Variants in DLGAP2 observed in about 807,000 individuals in gnomAD.
The protein encoded by DLGAP2 is DLG associated protein 2, also known as disks large-associated protein 2.
In DLGAP2, 26 loss-of-function variants were observed where a neutral mutation model predicts 100.3. That is an observed-to-expected ratio of 0.26 (90% CI 0.19 to 0.36). The LOEUF is 0.36. Ranked by LOEUF, DLGAP2 falls within the 10% of genes least tolerant of loss-of-function variation. DLGAP2 has a pLI of 1.00. For synonymous variants in DLGAP2, 886 were observed against 630.1 expected (o/e 1.41, Z -6.08); for missense variants, 1,858 against 1,453.2 (o/e 1.28, Z -4.53).
At chr8:981,578 C>T (rs1800333070) in intron 2 of DLGAP2, among the ~76,000 whole-genome samples, 1 of 152,090 alleles carries the variant, frequency 6.6e-6, no homozygotes, top group Admixed American at 6.5e-5. Flanking sequence ...TGCATCCTCT[C>T]CGATATGGTA....
At chr8:1,641,648 T>A (rs1269294418) in intron 8 of DLGAP2, among the ~76,000 whole-genome samples, 2 of 152,144 alleles carry the variant, frequency 1.3e-5, no homozygotes, top group African/African-American at 4.8e-5. Flanking sequence ...TGTATGGGGA[T>A]GGAGTCAGAA....
intron 3 of DLGAP2, among the ~76,000 whole-genome samples, chr8:1,464,642 C>T (rs1422753870): frequency 6.6e-6 from 1 of 151,852 alleles, no homozygotes; most frequent in Non-Finnish European, 1.5e-5. Flanking sequence ...TGACTGAAGG[C>T]AGATAGAGGG....
chr8:1,452,687 G>A (rs1798195769), intron 3 of DLGAP2, among the ~76,000 whole-genome samples: 2 of 152,230 alleles, frequency 1.3e-5, no homozygotes, highest in African/African-American at 2.4e-5. Flanking sequence ...GGCTCTGTGC[G>A]GGTTCTGCGC....
intron 2 of DLGAP2, among the ~76,000 whole-genome samples, chr8:997,886 A>G (rs1800827761): frequency 1.3e-5 from 2 of 151,996 alleles, no homozygotes; most frequent in Admixed American, 6.6e-5. Context: ...ACACACATGC[A>G]TAAACACCCA....
chr8:1,190,554 T>C (rs962121988), intron 2 of DLGAP2, among the ~76,000 whole-genome samples: 2 of 152,068 alleles, frequency 1.3e-5, no homozygotes, highest in South Asian at 4.2e-4. Flanking sequence ...CGTCCTTGCT[T>C]CTCATCTCAC....
chr8:1,095,665 G>A (rs1383939426), intron 2 of DLGAP2, among the ~76,000 whole-genome samples: 2 of 152,218 alleles, frequency 1.3e-5, no homozygotes, highest in Non-Finnish European at 2.9e-5. Flanking sequence ...TAATTACTGT[G>A]TTATTGTCGG....
chr8:1,199,414 C>T (rs11986875), intron 2 of DLGAP2, among the ~76,000 whole-genome samples: 58,532 of 151,914 alleles, frequency 0.39, 11,387 homozygotes, highest in Middle Eastern at 0.56. Flanking sequence ...GAGAAGTGAG[C>T]GCTTATTACA....
In DLGAP2 at chr8:1,683,834, CTATA is replaced by C. The variant is rs35210879; in HGVS notation, c.2704+5225_2704+5228del. On this transcript the variant is annotated intron_variant, in intron 12 of 14. Coordinates refer to ENST00000637795, the MANE Select transcript of DLGAP2 (RefSeq NM_001346810.2). Reference sequence around the variant, plus strand: ...CCTGATTTTCCTTGTCTTTGCTCCACTATATATATATATATATATATATGTGTGT... The same window carrying C: ...CCTGATTTTCCTTGTCTTTGCTCCACTATATATATATATATATATGTGTGT... Among the ~76,000 whole-genome samples the C allele has an allele frequency of 2.1e-4, 12 of 56,206 alleles. 2 individuals are homozygous for C. In the South Asian group the frequency reaches 5.2e-3, roughly 24 times the overall value. 36.9% of individuals were successfully genotyped at this position (56,206 alleles called of 152,430 possible).
intron 3 of DLGAP2, among the ~76,000 whole-genome samples, chr8:1,340,480 C>T (rs536690081): frequency 6.6e-6 from 1 of 152,336 alleles, no homozygotes; most frequent in Non-Finnish European, 1.5e-5. Context: ...TGAAGAAAAG[C>T]TCAACATCAC....
At chr8:952,329 A>G (rs1255344673) in intron 2 of DLGAP2, among the ~76,000 whole-genome samples, 1 of 152,200 alleles carries the variant, frequency 6.6e-6, no homozygotes, top group African/African-American at 2.4e-5. Flanking sequence ...ATGTCTCTTG[A>G]TGTTTATTGC....
At position 1,566,983 on chromosome 8, in the gene DLGAP2, C is replaced by T. The variant is rs373638008; in HGVS notation, c.1442+1089C>T. Among the ~76,000 whole-genome samples the T allele has an allele frequency of 1.8e-3, 278 of 152,334 alleles. 2 individuals carry two copies. Among genetic ancestry groups the T allele is most frequent in the African/African-American group, 6.5e-3 (271 of 41,570 alleles). ...GTCTGCCCAGCCCAGGCCCATCCAT[C>T]TCCTCTCCCTCCACAGAGGGTGGTC... is the stretch of plus-strand genomic sequence containing the variant. On this transcript the variant is annotated intron_variant, in intron 6 of 14. Transcript: ENST00000637795.
intron 1 of DLGAP2, among the ~76,000 whole-genome samples, chr8:809,763 A>G (rs181214341): frequency 6.9e-4 from 105 of 152,250 alleles, no homozygotes; most frequent in African/African-American, 2.2e-3. Flanking sequence ...GAGCGTGACC[A>G]GAGGAAAGGG....
intron 3 of DLGAP2, among the ~76,000 whole-genome samples, chr8:1,282,300 GCCC>G (rs1799834238): frequency 4.7e-5 from 5 of 107,000 alleles, no homozygotes; most frequent in Non-Finnish European, 9.4e-5. Context: ...TGAACCCAGC[GCCC>G]TGAACCATCC....
At chr8:1,651,447 C>T (rs948391653) in intron 8 of DLGAP2, among the ~76,000 whole-genome samples, 34 of 152,212 alleles carry the variant, frequency 2.2e-4, no homozygotes, top group African/African-American at 7.2e-4. Flanking sequence ...AGTTACCTCC[C>T]CCATCACCAA....
chr8:1,363,841 C>G (rs942666343), intron 3 of DLGAP2, among the ~76,000 whole-genome samples: 26 of 152,300 alleles, frequency 1.7e-4, no homozygotes, highest in Admixed American at 1.7e-3. Context: ...CGTGGCAGGC[C>G]TGGCCTTGGC....
chr8:1,180,638 G>T (rs1346851363), intron 2 of DLGAP2, among the ~76,000 whole-genome samples: 1 of 152,170 alleles, frequency 6.6e-6, no homozygotes, highest in Non-Finnish European at 1.5e-5. Flanking sequence ...AAGCGTGTCA[G>T]TGTGCAAGGG....
At chr8:1,477,926 G>C (rs916263360) in intron 3 of DLGAP2, among the ~76,000 whole-genome samples, 2 of 152,152 alleles carry the variant, frequency 1.3e-5, no homozygotes, top group Non-Finnish European at 2.9e-5. Flanking sequence ...GCACCTGTCA[G>C]TCTGGTGGAA....
intron 1 of DLGAP2, among the ~76,000 whole-genome samples, chr8:767,613 C>T (rs10103917): frequency 0.26 from 39,651 of 152,014 alleles, 6,067 homozygotes; most frequent in Non-Finnish European, 0.35. Context: ...CCTTGGCCTC[C>T]CAAAGTGCTG....
intron 3 of DLGAP2, among the ~76,000 whole-genome samples, chr8:1,328,772 C>A (rs1031296887): frequency 6.6e-6 from 1 of 152,154 alleles, no homozygotes; most frequent in Non-Finnish European, 1.5e-5. Flanking sequence ...CGGGAGACGG[C>A]GGAAATGTCG....
Sources: allele counts gnomAD v4.1 joint callset (sites outside exome capture counted in the v4.1 genomes callset), GRCh38; gene constraint gnomAD v4.1.1; transcripts MANE v1.5; gene names NCBI Gene and HGNC (gene_info 2026-07-23, HGNC 2026-07-21).